MACROD2: variants seen among roughly 807,000 people sequenced by gnomAD.
MACROD2 encodes the protein ADP-ribose glycohydrolase MACROD2.
In MACROD2, 36 loss-of-function variants were observed where a neutral mutation model predicts 70.4. The ratio of observed to expected loss-of-function variants is 0.51; its 90% confidence interval spans 0.39 to 0.68. MACROD2 has a LOEUF of 0.68. MACROD2 is among the 30% of genes least tolerant of loss of function. The pLI is 0.00. For missense variants in MACROD2, 496 were observed against 538.4 expected, an observed-to-expected ratio of 0.92 and a Z score of 0.78; for synonymous variants, 172 against 178.8, an observed-to-expected ratio of 0.96 and a Z score of 0.30.
In MACROD2 at chr20:14,055,507, C is replaced by CAAAA. The variant is rs4052606; in HGVS notation, c.164-30099_164-30096dup. Among the ~76,000 whole-genome samples the CAAAA allele has an allele frequency of 1.3e-3, 130 of 103,198 alleles. No individual in the cohort carries two copies. In the South Asian group the frequency reaches 0.014, roughly 11 times the overall value. 67.7% of individuals were successfully genotyped at this position (103,198 alleles called of 152,430 possible). On this transcript the variant is annotated intron_variant, in intron 2 of 17. Transcript: ENST00000684519. Reference sequence around the variant, plus strand: ...AGGGAAAGATCAGAAGTTTCAGGAGCAAAAAAAAAAAAAAAAAATACATAT... The same window carrying CAAAA: ...AGGGAAAGATCAGAAGTTTCAGGAGCAAAAAAAAAAAAAAAAAAAAAATACATAT...
At chr20:14,135,641 A>C (rs553906403) in intron 3 of MACROD2, among the ~76,000 whole-genome samples, 18 of 152,176 alleles carry the variant, frequency 1.2e-4, no homozygotes, top group African/African-American at 3.6e-4. Context: ...GCATCACTAC[A>C]CTCCAGCTTG....
At chr20:14,596,100 T>G (rs906152975) in intron 4 of MACROD2, among the ~76,000 whole-genome samples, 1 of 151,760 alleles carries the variant, frequency 6.6e-6, no homozygotes, top group Non-Finnish European at 1.5e-5. Flanking sequence ...ATTTTTTTAT[T>G]TTTTAGACGG....
intron 5 of MACROD2, among the ~76,000 whole-genome samples, chr20:14,855,532 A>T (rs2073244558): frequency 6.6e-6 from 1 of 151,304 alleles, no homozygotes. Flanking sequence ...AAAACAACAT[A>T]ACCTTTCATA....
At chr20:15,300,928 G>A (rs1042324218) in intron 6 of MACROD2, among the ~76,000 whole-genome samples, 16 of 152,176 alleles carry the variant, frequency 1.1e-4, no homozygotes, top group Admixed American at 2.6e-4. Flanking sequence ...GATTTCCCCC[G>A]TCTCAGCTAG....
At chr20:15,923,865 G>A (rs900788650) in intron 10 of MACROD2, among the ~76,000 whole-genome samples, 1 of 152,148 alleles carries the variant, frequency 6.6e-6, no homozygotes, top group African/African-American at 2.4e-5. Flanking sequence ...GATTTATTCT[G>A]GTACAATGTC....
chr20:16,037,868 T>C (rs2067255913), intron 15 of MACROD2, among the ~76,000 whole-genome samples: 1 of 151,950 alleles, frequency 6.6e-6, no homozygotes, highest in African/African-American at 2.4e-5. Flanking sequence ...GGTTGGTGCT[T>C]TGTCCTGTGT....
chr20:14,684,872 C>T lies in MACROD2; in HGVS notation c.331C>T (p.Pro111Ser). The T allele has an allele frequency of 6.2e-7, 1 of 1,613,998 alleles. No individual in the cohort carries two copies. Among genetic ancestry groups the T allele is most frequent in the Non-Finnish European group, 8.5e-7 (1 of 1,179,930 alleles). The stretch of plus-strand genomic sequence containing the variant: ...TGGCTGTATTCATAGAGCAGCCGGC[C>T]CCTGTTTGCTAGCTGAATGTCGTAA... ...VDGCIHRAAG[P>S]CLLAECRNLN... Residue 111 changes from proline to serine, a missense_variant, in exon 5 of 18, where the codon CCC becomes TCC. Physicochemically the swap from Pro to Ser is moderately conservative, Grantham distance 74. Coordinates refer to ENST00000684519, the MANE Select transcript of MACROD2 (RefSeq NM_001351661.2).
chr20:15,825,274 C>T (rs1187827903), intron 8 of MACROD2, among the ~76,000 whole-genome samples: 2 of 152,086 alleles, frequency 1.3e-5, no homozygotes, highest in Non-Finnish European at 2.9e-5. Context: ...AAGCTTCTGC[C>T]TCCTATGTTG....
intron 5 of MACROD2, among the ~76,000 whole-genome samples, chr20:14,701,486 A>T (rs1458760025): frequency 6.6e-6 from 1 of 152,134 alleles, no homozygotes; most frequent in Non-Finnish European, 1.5e-5. Context: ...CCTCTTGGTA[A>T]TCCAGTAATT....
intron 5 of MACROD2, among the ~76,000 whole-genome samples, chr20:15,172,532 G>C (rs928399726): frequency 5.9e-5 from 9 of 152,002 alleles, no homozygotes; most frequent in Non-Finnish European, 7.4e-5. Flanking sequence ...GACTATTGGC[G>C]CCTGCCACAA....
intron 3 of MACROD2, among the ~76,000 whole-genome samples, chr20:14,358,692 G>A (rs1404054859): frequency 2.0e-5 from 3 of 151,856 alleles, no homozygotes; most frequent in Non-Finnish European, 2.9e-5. Context: ...TCTTGACCTC[G>A]TGATCCACCC....
intron 3 of MACROD2, among the ~76,000 whole-genome samples, chr20:14,429,035 AGTATTTACT>A (rs2083965808): frequency 6.6e-6 from 1 of 152,200 alleles, no homozygotes; most frequent in Admixed American, 6.5e-5. Flanking sequence ...TTTAATATGC[AGTATTTACT>A]GCTTTAAAAA....
At chr20:16,049,744 A>C in intron 17 of MACROD2, 86 bp from the exon 18 acceptor site, 1 of 1,379,134 alleles carries the variant, frequency 7.3e-7, no homozygotes, top group Non-Finnish European at 1.0e-6. Flanking sequence ...GAGACATTTA[A>C]ATGGCTGTAT....
At chr20:15,138,494 C>T (rs1030354457) in intron 5 of MACROD2, among the ~76,000 whole-genome samples, 6 of 152,068 alleles carry the variant, frequency 3.9e-5, no homozygotes, top group South Asian at 4.1e-4. Flanking sequence ...GAATATGCTG[C>T]GTTTCTTGTG....
chr20:14,497,438 G>T (rs2084866606), intron 4 of MACROD2, among the ~76,000 whole-genome samples: 1 of 151,750 alleles, frequency 6.6e-6, no homozygotes, highest in Admixed American at 6.5e-5. Flanking sequence ...TAAAGAAGTA[G>T]AATTAGAAAG....
intron 4 of MACROD2, among the ~76,000 whole-genome samples, chr20:14,501,651 A>T (rs954215645): frequency 1.2e-4 from 19 of 152,058 alleles, no homozygotes; most frequent in Non-Finnish European, 2.4e-4. Context: ...AACTCTTTTT[A>T]AAAAAATAGA....
Position 14,335,110 on chromosome 20 carries a change from T to G in MACROD2, c.272-158369T>G, listed in dbSNP as rs144148195. On this transcript the variant is annotated intron_variant, in intron 3 of 17. Transcript: ENST00000684519. ...TGATTTTTGTAGGGCTTAAAACTGTTCAAAATAATCCAGAAAAAGGAGGAA... is the reference window on the plus strand; with the variant it reads ...TGATTTTTGTAGGGCTTAAAACTGTGCAAAATAATCCAGAAAAAGGAGGAA... 4.6e-5 allele frequency among the ~76,000 whole-genome samples: 7 copies of G among 152,278 alleles called. No homozygotes were observed. The East Asian group carries it at 1.4e-3, about 29-fold the overall frequency.
chr20:15,024,639 GT>G (rs2049646492), intron 5 of MACROD2, among the ~76,000 whole-genome samples: 1 of 151,870 alleles, frequency 6.6e-6, no homozygotes, highest in Non-Finnish European at 1.5e-5. Context: ...AATTTGTAAT[GT>G]TCAAAAACAT....
At chr20:13,998,870 G>A (rs1230794017) in intron 1 of MACROD2, among the ~76,000 whole-genome samples, 2 of 151,378 alleles carry the variant, frequency 1.3e-5, no homozygotes, top group African/African-American at 4.9e-5. Context: ...CAGGAGAAAC[G>A]CTTGAATCCA....
Sources: gnomAD v4.1 joint callset for allele counts (sites outside exome capture counted in the v4.1 genomes callset) on GRCh38, gnomAD v4.1.1 for gene constraint, MANE v1.5 for transcripts, NCBI Gene and HGNC (gene_info 2026-07-23, HGNC 2026-07-21) for gene names.